Variants in CHD2 observed in about 807,000 individuals in gnomAD.
CHD2 encodes the protein ATP-dependent chromatin remodeler CHD2.
CHD2 carries 28 observed loss-of-function variants against 243.9 expected under a neutral mutation model. That is an observed-to-expected ratio of 0.11 (90% CI 0.09 to 0.16). The LOEUF (loss-of-function observed/expected upper bound fraction) is 0.16. Ranked by LOEUF, CHD2 falls within the 10% of genes least tolerant of loss-of-function variation. The pLI is 1.00. For missense variants in CHD2, 1,386 were observed against 2,209.8 expected (o/e 0.63, Z 7.47); for synonymous variants, 775 against 779.0 (o/e 0.99, Z 0.09).
At chr15:92,963,940 C>T (rs999488672) in intron 16 of CHD2, among the ~76,000 whole-genome samples, 1 of 152,234 alleles carries the variant, frequency 6.6e-6, no homozygotes, top group Non-Finnish European at 1.5e-5. Flanking sequence ...CCAGTGAATA[C>T]TTAGCCATGA....
chr15:92,953,814 C>A, intron 14 of CHD2: 1 of 466,552 alleles, frequency 2.1e-6, no homozygotes, highest in Non-Finnish European at 3.8e-6. Context: ...AGCTGGGTTG[C>A]AATATTAAAT....
intron 2 of CHD2, among the ~76,000 whole-genome samples, chr15:92,922,589 A>G (rs2052978667): frequency 6.6e-6 from 1 of 152,186 alleles, no homozygotes; most frequent in Non-Finnish European, 1.5e-5. Flanking sequence ...GTGATGGTAA[A>G]TATAGAACTT....
At chr15:92,904,946 C>T (rs771062205) in intron 2 of CHD2, 6 of 1,535,926 alleles carry the variant, frequency 3.9e-6, no homozygotes, top group Non-Finnish European at 5.2e-6. Flanking sequence ...TGAACTTGTC[C>T]CCATGCGTTT....
In CHD2 at chr15:93,000,508, C is replaced by T. The variant is rs376566234; in HGVS notation, c.4009-4C>T. On this transcript the variant is annotated splice_polypyrimidine_tract_variant and splice_region_variant and intron_variant, in intron 31 of 38. Transcript: ENST00000394196. Reference sequence around the variant, plus strand: ...TTTAATCATCATTTTCTCTCCTTTTCCAGGCCAAATTAAAGAAGCGGAAGC... The same window carrying T: ...TTTAATCATCATTTTCTCTCCTTTTTCAGGCCAAATTAAAGAAGCGGAAGC... The T allele has an allele frequency of 3.2e-5, 51 of 1,603,296 alleles. No individual in the cohort carries two copies. In the African/African-American group the frequency reaches 6.6e-4, roughly 21 times the overall value.
chr15:92,941,553 TAGTTTTCTATATCTTGCTTA>T (rs1159146207), intron 7 of CHD2, among the ~76,000 whole-genome samples: 1 of 152,178 alleles, frequency 6.6e-6, no homozygotes, highest in Non-Finnish European at 1.5e-5. Flanking sequence ...AGTGTCCTTA[TAGTTTTCTATATCTTGCTTA>T]TACAAATCAG....
At chr15:92,914,446 G>A (rs779467878) in intron 2 of CHD2, among the ~76,000 whole-genome samples, 4 of 152,314 alleles carry the variant, frequency 2.6e-5, no homozygotes, top group Non-Finnish European at 5.9e-5. Context: ...GTATGCCTGG[G>A]TGCTAATAGT....
chr15:92,923,523 G>A (rs1197815528), intron 2 of CHD2, among the ~76,000 whole-genome samples: 2 of 149,750 alleles, frequency 1.3e-5, no homozygotes, highest in Admixed American at 6.7e-5. Context: ...GCTTCCCAAA[G>A]TGTTGGGATT....
At chr15:92,978,441 C>A in intron 21 of CHD2, 58 bp downstream of exon 21, 1 of 1,533,548 alleles carries the variant, frequency 6.5e-7, no homozygotes, top group Non-Finnish European at 8.9e-7. Context: ...GGGGCTTGTT[C>A]AGCCCTTTCA....
At chr15:93,009,483 G>A in intron 35 of CHD2, 160 bp downstream of exon 35, 1 of 635,874 alleles carries the variant, frequency 1.6e-6, no homozygotes, top group Non-Finnish European at 2.6e-6. Context: ...CCCTTTCCAT[G>A]AAATAGGCCA....
At chr15:93,000,788 G>A (rs886356330) in intron 32 of CHD2, 148 bp downstream of exon 32, 11 of 889,896 alleles carry the variant, frequency 1.2e-5, no homozygotes, top group African/African-American at 3.4e-5. Flanking sequence ...ATCTGTCAGC[G>A]AGGATAGTTT....
At position 93,024,733 on chromosome 15, in the gene CHD2, A is replaced by T. The variant is rs968631148; in HGVS notation, c.*28A>T. The T allele has an allele frequency of 6.4e-7, 1 of 1,565,018 alleles. No homozygotes were observed. Among genetic ancestry groups the T allele is most frequent in the Admixed American group, 1.8e-5 (1 of 54,220 alleles). On this transcript the variant is annotated 3_prime_UTR_variant, in exon 39 of 39. Transcript: ENST00000394196. ...GACAGCTCGTAAAGGAGAGAGTAAG[A>T]GTCACCAAACACGTGGATATTTTTG...
chr15:92,923,068 C>T (rs184349410), intron 2 of CHD2, among the ~76,000 whole-genome samples: 1 of 152,298 alleles, frequency 6.6e-6, no homozygotes, highest in African/African-American at 2.4e-5. Flanking sequence ...TTTTTGTTTA[C>T]TTACTTCTGT....
Position 93,002,204 on chromosome 15 carries a change from A to C in CHD2, c.4165A>C (p.Lys1389Gln), listed in dbSNP as rs762950368. The change falls in exon 33 of 39, where the codon AAA (lysine) becomes CAA (glutamine). Residue 1389 changes from lysine (K) to glutamine (Q), a missense_variant. Around this residue, in one of 19 missense-constraint regions of CHD2, gnomAD observed 125 missense variants for 128.9 expected, o/e 0.97. Coordinates refer to ENST00000394196, the MANE Select transcript of CHD2 (RefSeq NM_001271.4). ...TGATGGCTTGGAAAAAAGTCCAATG[A>C]AAAAAAAACAGAAGAAGAAAGAGAA... is the stretch of plus-strand genomic sequence containing the variant. ...KDDGLEKSPM[K>Q]KKQKKKENKE... 6.9e-6 allele frequency: 11 copies of C among 1,586,574 alleles called. No individual in the cohort carries two copies. The highest frequency in any genetic ancestry group is 5.6e-5 in the Admixed American group (3 of 53,132).
chr15:92,968,444 C>T (rs2053796343), intron 17 of CHD2, among the ~76,000 whole-genome samples: 1 of 152,204 alleles, frequency 6.6e-6, no homozygotes, highest in African/African-American at 2.4e-5. Context: ...CTTGATTAGA[C>T]TCAGATTCAG....
chr15:93,006,126 T>G (rs112512399), intron 34 of CHD2, among the ~76,000 whole-genome samples: 46 of 128,986 alleles, frequency 3.6e-4, no homozygotes, highest in Non-Finnish European at 7.0e-4. Context: ...CTCTCTCTCT[T>G]TTTTTTTTTT....
Position 92,970,029 on chromosome 15 carries a change from T to A in CHD2, c.2190-1736T>A, listed in dbSNP as rs559345744. Among the ~76,000 whole-genome samples, 220 of 152,228 alleles carry A rather than the reference T, an allele frequency of 1.4e-3. 3 individuals carry two copies. The highest frequency in any genetic ancestry group is 5.0e-3 in the African/African-American group (207 of 41,546). The stretch of plus-strand genomic sequence containing the variant: ...TGTCTTTAGGCAACTAATGGTTACA[T>A]AGATTTATTTATTTCATTTTAGTTT... On this transcript the variant is annotated intron_variant, in intron 17 of 38. Transcript: ENST00000394196.
intron 12 of CHD2, chr15:92,947,107 A>G (rs1161107426): frequency 2.6e-5 from 4 of 152,218 alleles, no homozygotes; most frequent in Non-Finnish European, 4.4e-5. Context: ...GAAATATCAG[A>G]CAAGTGATAC....
At chr15:93,006,042 A>G (rs1180990993) in intron 34 of CHD2, among the ~76,000 whole-genome samples, 1 of 152,072 alleles carries the variant, frequency 6.6e-6, no homozygotes, top group Non-Finnish European at 1.5e-5. Context: ...GTCAAATCTG[A>G]ATTTTTTTAA....
chr15:92,996,006 G>A (rs1324187802), intron 28 of CHD2, among the ~76,000 whole-genome samples: 1 of 152,136 alleles, frequency 6.6e-6, no homozygotes, highest in Non-Finnish European at 1.5e-5. Flanking sequence ...GTTCTATAAA[G>A]TGTCTATTCA....
Sources: allele counts gnomAD v4.1 joint callset (sites outside exome capture counted in the v4.1 genomes callset), GRCh38; gene constraint gnomAD v4.1.1; regional missense constraint gnomAD v4.1.1; transcripts MANE v1.5; gene names NCBI Gene and HGNC (gene_info 2026-07-23, HGNC 2026-07-21).